SUGP2: variants seen among roughly 807,000 people sequenced by gnomAD.
SUGP2 encodes the protein SURP and G-patch domain-containing protein 2.
Under a neutral mutation model 90.5 loss-of-function variants are expected in SUGP2, and 24 were observed. The ratio of observed to expected loss-of-function variants is 0.27; its 90% CI spans 0.19 to 0.37. The LOEUF is 0.37. Among genes scored for constraint, SUGP2 ranks in the 10% least tolerant of loss-of-function variants. The pLI is 1.00. For synonymous variants in SUGP2, 473 were observed against 513.4 expected (o/e 0.92, Z 1.06); for missense variants, 1,233 against 1,363.3 (o/e 0.90, Z 1.51).
chr19:19,019,343 C>A, intron 3 of SUGP2, 114 bp from the exon 4 acceptor site: 2 of 1,188,642 alleles, frequency 1.7e-6, no homozygotes, highest in African/African-American at 1.5e-5. Flanking sequence ...CATCAACAAC[C>A]GAAATCCTCA....
chr19:19,014,682 T>C (rs1475134227), intron 4 of SUGP2, among the ~76,000 whole-genome samples: 1 of 151,494 alleles, frequency 6.6e-6, no homozygotes, highest in Non-Finnish European at 1.5e-5. Flanking sequence ...ACTCCTGTAG[T>C]CTCAGCTACT....
At chr19:19,017,546 CG>C (rs2058547036) in intron 4 of SUGP2, among the ~76,000 whole-genome samples, 2 of 151,438 alleles carry the variant, frequency 1.3e-5, no homozygotes, top group Admixed American at 1.3e-4. Flanking sequence ...CCAAGGCAGG[CG>C]GATCGCATGA....
intron 8 of SUGP2, among the ~76,000 whole-genome samples, chr19:18,996,222 C>A (rs1008917441): frequency 3.3e-5 from 5 of 152,136 alleles, no homozygotes; most frequent in Non-Finnish European, 7.4e-5. Context: ...CGTGGCAAAA[C>A]CCCGTCTCTA....
intron 8 of SUGP2, among the ~76,000 whole-genome samples, chr19:18,996,965 T>TG (rs1018096175): frequency 6.6e-6 from 1 of 150,720 alleles, no homozygotes; most frequent in Non-Finnish European, 1.5e-5. Flanking sequence ...GGGCTGGTGC[T>TG]GGGGGTCTGA....
chr19:19,008,015 T>A (rs1212459959), intron 6 of SUGP2, among the ~76,000 whole-genome samples: 1 of 152,056 alleles, frequency 6.6e-6, no homozygotes, highest in Non-Finnish European at 1.5e-5. Flanking sequence ...CAGATCTTTC[T>A]CCCTTAGGCC....
At position 19,025,827 on chromosome 19, in the gene SUGP2, C is replaced by T. The variant is rs537778892; in HGVS notation, c.521G>A (p.Gly174Glu). ...CTCTTTCTCAATCAGCCTGGAAGAT[C>T]CAAAGTCCCCCAAAACTGCAGAGGG... ...FGPSAVLGDFGSSRLIEKECL... is the reference protein window; with the variant it reads ...FGPSAVLGDFESSRLIEKECL... Residue 174 changes from glycine to glutamate, a missense_variant, in exon 3 of 11, where the codon GGA (glycine) becomes GAA (glutamate). Physicochemically the swap from Gly to Glu is moderately conservative, Grantham distance 98. Around this residue, in one of 8 missense-constraint regions of SUGP2, gnomAD observed 418 missense variants for 399.9 expected, o/e 1.05. Coordinates refer to ENST00000452918, the MANE Select transcript of SUGP2 (RefSeq NM_001017392.5). The T allele has an allele frequency of 2.5e-6, 4 of 1,614,086 alleles. No individual in the cohort carries two copies. The East Asian group carries it at 8.9e-5, about 36-fold the overall frequency.
At position 18,993,557 on chromosome 19, in the gene SUGP2, TG is replaced by T. The variant is rs1173009104; in HGVS notation, c.*183del. On this transcript the variant is annotated 3_prime_UTR_variant, in exon 11 of 11. Transcript: ENST00000452918. ...GCAAAAGCACATTGAAAATGGTGCATGTTTTTTTCTTTGAGAGAAAGAAAAG... is the reference window on the plus strand; with the variant it reads ...GCAAAAGCACATTGAAAATGGTGCATTTTTTTTCTTTGAGAGAAAGAAAAG... 2 of 152,584 alleles carry T rather than the reference TG, an allele frequency of 1.3e-5. No homozygotes were observed. Among genetic ancestry groups the T allele is most frequent in the Non-Finnish European group, 2.9e-5 (2 of 68,038 alleles). 9.5% of individuals were successfully genotyped at this position (152,584 alleles called of 1,614,324 possible).
chr19:19,012,639 G>A (rs537196739), intron 4 of SUGP2, among the ~76,000 whole-genome samples: 197 of 152,284 alleles, frequency 1.3e-3, no homozygotes, highest in Non-Finnish European at 2.0e-3. Context: ...TGAGGCCTGC[G>A]TTATAAGCTT....
chr19:19,033,356 C>A, intron 1 of SUGP2, 81 bp downstream of exon 1: 1 of 1,161,196 alleles, frequency 8.6e-7, no homozygotes, highest in South Asian at 3.5e-5. Flanking sequence ...CATCACGGAG[C>A]CCGGGGCGGG....
chr19:18,994,114 G>A (rs1297487504), intron 10 of SUGP2: 5 of 385,272 alleles, frequency 1.3e-5, no homozygotes, highest in East Asian at 5.2e-5. Flanking sequence ...GCTCACAGCC[G>A]GGGCACCAGG....
intron 3 of SUGP2, among the ~76,000 whole-genome samples, 190 bp from the exon 4 acceptor site, chr19:19,019,419 T>C (rs2058624250): frequency 6.6e-6 from 1 of 152,162 alleles, no homozygotes; most frequent in African/African-American, 2.4e-5. Context: ...CTAAAAAATG[T>C]AACAGTATAA....
intron 4 of SUGP2, among the ~76,000 whole-genome samples, chr19:19,017,095 A>G (rs1299431419): frequency 1.3e-5 from 2 of 152,190 alleles, no homozygotes; most frequent in Admixed American, 6.5e-5. Context: ...TCTGACTACC[A>G]AAAAGGGCAC....
At chr19:19,029,843 T>TA (rs2059081214) in intron 2 of SUGP2, among the ~76,000 whole-genome samples, 1 of 151,820 alleles carries the variant, frequency 6.6e-6, no homozygotes, top group African/African-American at 2.4e-5. Context: ...CTCGGGAGGC[T>TA]GAGGCAGGAG....
Position 19,009,973 on chromosome 19 carries a change from G to T in SUGP2, c.2220C>A (p.Asp740Glu), listed in dbSNP as rs1158791212. 1 of 1,614,192 alleles carries T rather than the reference G, an allele frequency of 6.2e-7. No individual in the cohort carries two copies. ...RNDAAKDCPP[D>E]PVGPSPQDPS... is the part of the protein sequence containing the mutation. ...GGTCCTGAGGAGAAGGTCCAACTGG[G>T]TCTGGCGGGCAGTCCTTGGCAGCAT... Residue 740 changes from aspartate (D) to glutamate (E), a missense_variant, in exon 5 of 11, where the codon GAC becomes GAA. Physicochemically the swap from Asp to Glu is conservative, Grantham distance 45. Transcript: ENST00000452918.
intron 8 of SUGP2, among the ~76,000 whole-genome samples, chr19:18,997,826 C>T (rs1189044055): frequency 2.7e-5 from 4 of 149,842 alleles, no homozygotes; most frequent in Admixed American, 6.6e-5. Flanking sequence ...GAAAGCGATA[C>T]CCCGAATTAT....
At chr19:19,000,548 T>A (rs77213358) in intron 8 of SUGP2, among the ~76,000 whole-genome samples, 3,507 of 152,262 alleles carry the variant, frequency 0.023, 132 homozygotes, top group African/African-American at 0.08. Context: ...ACTAAGCTTG[T>A]AAGTTTTTAT....
chr19:19,003,252 C>G (rs1236756918), intron 7 of SUGP2, among the ~76,000 whole-genome samples: 1 of 152,220 alleles, frequency 6.6e-6, no homozygotes, highest in Non-Finnish European at 1.5e-5. Flanking sequence ...ATGTGACTGT[C>G]TGAATGATGT....
chr19:19,008,895 G>A (rs1449067920), intron 5 of SUGP2, among the ~76,000 whole-genome samples: 1 of 152,034 alleles, frequency 6.6e-6, no homozygotes, highest in Non-Finnish European at 1.5e-5. Flanking sequence ...TCACAATACC[G>A]GACGCCTCCT....
intron 1 of SUGP2, 186 bp downstream of exon 1, chr19:19,033,250 TG>T: frequency 2.0e-6 from 1 of 507,108 alleles, no homozygotes; most frequent in Non-Finnish European, 2.6e-6. Context: ...GGCGAGGAAA[TG>T]GGGGCGCCGG....
Sources: gnomAD v4.1 joint callset for allele counts (sites outside exome capture counted in the v4.1 genomes callset) on GRCh38, gnomAD v4.1.1 for gene constraint, gnomAD v4.1.1 regional missense constraint, MANE v1.5 for transcripts, NCBI Gene and HGNC (gene_info 2026-07-23, HGNC 2026-07-21) for gene names.